The following ADAMTS5 variants were observed in gnomAD, a reference collection of about 807,000 sequenced individuals.
ADAMTS5 encodes ADAM metallopeptidase with thrombospondin type 1 motif 5, also known as A disintegrin and metalloproteinase with thrombospondin motifs 5.
A neutral mutation model predicts 81.4 loss-of-function variants in ADAMTS5; 54 were observed. That is an observed-to-expected ratio of 0.66 (90% CI 0.53 to 0.83). The LOEUF (loss-of-function observed/expected upper bound fraction) is 0.83, where lower values mean the gene tolerates loss of function less well. Ranked by LOEUF, ADAMTS5 falls within the 40% of genes least tolerant of loss-of-function variation. ADAMTS5 has a pLI of 0.00. For missense variants in ADAMTS5, 1,194 were observed against 1,229.9 expected (o/e 0.97, Z 0.44); for synonymous variants, 532 against 508.8 (o/e 1.05, Z -0.61).
At chr21:26,955,400 T>C (rs4817146) in intron 1 of ADAMTS5, among the ~76,000 whole-genome samples, 46,858 of 152,126 alleles carry the variant, frequency 0.31, 7,755 homozygotes, top group East Asian at 0.41. Flanking sequence ...TGTAATTTCA[T>C]AGGTTGTGTC....
intron 6 of ADAMTS5, among the ~76,000 whole-genome samples, chr21:26,930,904 G>A (rs1481218326): frequency 6.6e-6 from 1 of 152,030 alleles, no homozygotes; most frequent in Non-Finnish European, 1.5e-5. Flanking sequence ...ATTTTCAGGT[G>A]ATTTTTATGT....
rs781342695 is a variant in ADAMTS5 at position 26,954,804 on chromosome 21, T to C, written c.1172A>G (p.Glu391Gly). 2.5e-6 allele frequency: 4 copies of C among 1,614,120 alleles called. No individual in the cohort carries two copies. The highest frequency in any genetic ancestry group is 4.5e-5 in the East Asian group (2 of 44,870). Residue 391 changes from glutamate to glycine, a missense_variant, in exon 2 of 8, where the codon GAG becomes GGG. Transcript: ENST00000284987. ...MADVGTICSPERSCAVIEDDG... is the reference protein window; with the variant it reads ...MADVGTICSPGRSCAVIEDDG... ...GTCTTCAATCACAGCACAGCTGCGC[T>C]CTGGAGAACATATGGTCCCAACGTC...
intron 3 of ADAMTS5, among the ~76,000 whole-genome samples, chr21:26,942,030 AAG>A: frequency 6.9e-6 from 1 of 145,650 alleles, no homozygotes; most frequent in Admixed American, 7.0e-5. Context: ...TTCAACTAAA[AAG>A]GAACTTTTTT....
In ADAMTS5 at chr21:26,964,100, A is replaced by G. The variant is rs562934738; in HGVS notation, c.1104+1188T>C. 2.0e-5 allele frequency among the ~76,000 whole-genome samples: 3 copies of G among 152,304 alleles called. No homozygotes were observed. In the South Asian group the frequency reaches 6.2e-4, roughly 32 times the overall value. On this transcript the variant is annotated intron_variant, in intron 1 of 7. Coordinates refer to ENST00000284987, the MANE Select transcript of ADAMTS5 (RefSeq NM_007038.5). ...CCTTGTTCTGTTTGCTTCATTTCAT[A>G]CCATGATTTTACATAATACTTCAAA...
chr21:26,929,400 A>G (rs1047483903), intron 7 of ADAMTS5, among the ~76,000 whole-genome samples: 1 of 152,212 alleles, frequency 6.6e-6, no homozygotes, highest in Non-Finnish European at 1.5e-5. Context: ...TTCTTTAGAG[A>G]GTAGATATAA....
At chr21:26,933,711 G>C (rs946927324) in intron 4 of ADAMTS5, among the ~76,000 whole-genome samples, 2 of 152,204 alleles carry the variant, frequency 1.3e-5, no homozygotes, top group Non-Finnish European at 2.9e-5. Context: ...AGGGAGCTTA[G>C]AGATTCTGAA....
At chr21:26,925,787 C>T (rs990968123) in intron 7 of ADAMTS5, among the ~76,000 whole-genome samples, 17 of 152,326 alleles carry the variant, frequency 1.1e-4, no homozygotes, top group Admixed American at 3.3e-4. Flanking sequence ...GGAAGCTTAT[C>T]GCCAAGGAAG....
At chr21:26,937,197 G>A (rs542332313) in intron 3 of ADAMTS5, among the ~76,000 whole-genome samples, 5 of 94,256 alleles carry the variant, frequency 5.3e-5, no homozygotes, top group East Asian at 4.4e-4. Context: ...AAAAAGAAAC[G>A]TGTAATGCAA....
At chr21:26,931,805 T>C (rs1313307935) in intron 6 of ADAMTS5, among the ~76,000 whole-genome samples, 199 bp downstream of exon 6, 1 of 152,250 alleles carries the variant, frequency 6.6e-6, no homozygotes, top group Non-Finnish European at 1.5e-5. Context: ...AAACATTTAC[T>C]TGTTCTGTTT....
At chr21:26,937,243 G>A (rs1405826990) in intron 3 of ADAMTS5, among the ~76,000 whole-genome samples, 1 of 152,184 alleles carries the variant, frequency 6.6e-6, no homozygotes, top group Non-Finnish European at 1.5e-5. Flanking sequence ...ACTTCAAGAT[G>A]TGGCATCTCT....
At chr21:26,932,759 G>T in intron 5 of ADAMTS5, 102 bp downstream of exon 5, 1 of 1,312,440 alleles carries the variant, frequency 7.6e-7, no homozygotes, top group Non-Finnish European at 1.0e-6. Flanking sequence ...GAACTGTGCA[G>T]TATAAGATTA....
chr21:26,924,696 C>A, intron 7 of ADAMTS5, 76 bp from the exon 8 acceptor site: 1 of 1,152,640 alleles, frequency 8.7e-7, no homozygotes, highest in Non-Finnish European at 1.2e-6. Flanking sequence ...AAACACTTAA[C>A]AAATAAATAC....
chr21:26,927,573 T>C, intron 7 of ADAMTS5, among the ~76,000 whole-genome samples: 1 of 152,108 alleles, frequency 6.6e-6, no homozygotes, highest in Non-Finnish European at 1.5e-5. Flanking sequence ...AAAGGGACAG[T>C]GTAGAAAAGA....
At chr21:26,940,538 T>A (rs1483431939) in intron 3 of ADAMTS5, among the ~76,000 whole-genome samples, 1 of 152,164 alleles carries the variant, frequency 6.6e-6, no homozygotes, top group Non-Finnish European at 1.5e-5. Context: ...CATTTCTTGT[T>A]CTCAGATTAC....
rs1177342716 is a variant in ADAMTS5, at chr21:26,954,727, G to A, written c.1237+12C>T. ...TTTGATTTGGTGAGGGAAAAGAAAAGGCGCTGCATACCGATTTCGTGAGCC... is the reference window on the plus strand; with the variant it reads ...TTTGATTTGGTGAGGGAAAAGAAAAAGCGCTGCATACCGATTTCGTGAGCC... On this transcript the variant is annotated intron_variant, in intron 2 of 7. Transcript: ENST00000284987. 4 of 1,612,020 alleles carry A rather than the reference G, an allele frequency of 2.5e-6. No individual in the cohort carries two copies. The East Asian group carries it at 8.9e-5, about 36-fold the overall frequency.
At chr21:26,931,876 T>A in intron 6 of ADAMTS5, 128 bp downstream of exon 6, 11 of 887,668 alleles carry the variant, frequency 1.2e-5, no homozygotes, top group Non-Finnish European at 1.6e-5. Flanking sequence ...GAGATGAAAA[T>A]AAAAACCTTC....
At chr21:26,958,309 T>C (rs1424030640) in intron 1 of ADAMTS5, among the ~76,000 whole-genome samples, 6 of 152,140 alleles carry the variant, frequency 3.9e-5, no homozygotes, top group African/African-American at 1.4e-4. Context: ...CTTCTGTTTC[T>C]ATAGATCTTA....
chr21:26,932,848 G>A lies in ADAMTS5; in HGVS notation c.1873+13C>T, dbSNP rs778691244. ...TAGCATATGATGGTTGCTGACACTT[G>A]GGAGCAGCGTACCATTGGGTGGGCA... On this transcript the variant is annotated intron_variant, in intron 5 of 7. Transcript: ENST00000284987. 2 of 1,594,532 alleles carry A rather than the reference G, an allele frequency of 1.3e-6. No homozygotes were observed. The highest frequency in any genetic ancestry group is 2.3e-5 in the South Asian group (2 of 87,290).
At chr21:26,934,417 A>G in intron 4 of ADAMTS5, 49 bp downstream of exon 4, 30 of 1,593,002 alleles carry the variant, frequency 1.9e-5, no homozygotes, top group Non-Finnish European at 2.5e-5. Flanking sequence ...ACAAGAATGC[A>G]CTTCACTTCT....
Sources: allele counts gnomAD v4.1 joint callset (sites outside exome capture counted in the v4.1 genomes callset), GRCh38; gene constraint gnomAD v4.1.1; transcripts MANE v1.5; gene names NCBI Gene and HGNC (gene_info 2026-07-23, HGNC 2026-07-21).